Variants in KLRD1 observed in about 807,000 individuals in gnomAD.
KLRD1 encodes the protein natural killer cells antigen CD94.
KLRD1 carries 21 observed loss-of-function variants against 22.6 expected under a neutral mutation model. The observed-to-expected ratio is 0.93, with a 90% confidence interval of 0.66 to 1.34. The LOEUF (loss-of-function observed/expected upper bound fraction) is 1.34, where lower values mean the gene tolerates loss of function less well. KLRD1 is among the 40% of genes most tolerant of loss of function. The probability of loss-of-function intolerance (pLI) is 0.00; values close to 1 mark genes in which losing one functional copy is unlikely to be tolerated. For synonymous variants in KLRD1, 59 were observed against 71.1 expected (o/e 0.83, Z 0.85); for missense variants, 183 against 208.6 (o/e 0.88, Z 0.76).
In KLRD1 at chr12:10,307,991, C is replaced by T; in HGVS notation, c.-87C>T. On this transcript the variant is annotated 5_prime_UTR_variant, in exon 1 of 6. Coordinates refer to ENST00000336164, the MANE Select transcript of KLRD1 (RefSeq NM_002262.5). ...CTCAACTTTCAGATTCTTTAATCTC[C>T]AGCTCAGCTTCAACAATTCAACGCT... 3 of 1,188,584 alleles carry T rather than the reference C, an allele frequency of 2.5e-6. No homozygotes were observed. Among genetic ancestry groups the T allele is most frequent in the Non-Finnish European group, 3.7e-6 (3 of 805,360 alleles). The allele number at this position is 1,188,584 out of a possible 1,614,324, so 73.6% of individuals were successfully genotyped here. A position where few individuals can be genotyped will look rare whatever the true frequency, so the allele number is the denominator to read the frequency against.
At chr12:10,257,401 T>G (rs1036694569) in intron 1 of KLRD1, among the ~76,000 whole-genome samples, 1 of 151,224 alleles carries the variant, frequency 6.6e-6, no homozygotes, top group East Asian at 1.9e-4. Flanking sequence ...TAGTCTCTGT[T>G]CACTTTTCTC....
intron 1 of KLRD1, among the ~76,000 whole-genome samples, chr12:10,298,971 C>CT (rs1949844983): frequency 6.6e-6 from 1 of 152,214 alleles, no homozygotes; most frequent in Non-Finnish European, 1.5e-5. Flanking sequence ...GTCTCCACGA[C>CT]TGAGCTGGTC....
intron 3 of KLRD1, 57 bp from the exon 4 acceptor site, chr12:10,311,407 A>T: frequency 6.6e-7 from 1 of 1,506,640 alleles, no homozygotes; most frequent in Non-Finnish European, 9.1e-7. Flanking sequence ...ATTAAATAGC[A>T]TTGAAAAAAA....
At chr12:10,290,156 G>A (rs571797574) in intron 1 of KLRD1, among the ~76,000 whole-genome samples, 3 of 131,532 alleles carry the variant, frequency 2.3e-5, no homozygotes, top group Admixed American at 7.2e-5. Context: ...AGTTTCCAAC[G>A]CCCAAAATAT....
At chr12:10,270,331 T>C in intron 1 of KLRD1, among the ~76,000 whole-genome samples, 1 of 152,126 alleles carries the variant, frequency 6.6e-6, no homozygotes, top group East Asian at 1.9e-4. Flanking sequence ...AATTAAAAAA[T>C]TAATGAAGTT....
At chr12:10,306,149 A>AGAGC (rs10658021), upstream of KLRD1, among the ~76,000 whole-genome samples, 79,737 of 150,872 alleles carry the variant, frequency 0.53, 22,011 homozygotes, top group Middle Eastern at 0.65. Flanking sequence ...CCTGGGTGAC[A>AGAGC]GAGACTCCAT....
chr12:10,262,961 T>TA (rs1388412891), intron 1 of KLRD1, among the ~76,000 whole-genome samples: 1 of 152,056 alleles, frequency 6.6e-6, no homozygotes, highest in Non-Finnish European at 1.5e-5. Context: ...TCTAAGCAGT[T>TA]AGTTAACCCA....
chr12:10,298,072 T>C (rs968179198), intron 1 of KLRD1, among the ~76,000 whole-genome samples: 3 of 152,218 alleles, frequency 2.0e-5, no homozygotes, highest in East Asian at 3.8e-4. Flanking sequence ...GAAACTTAAA[T>C]TGATAGTCTT....
intron 1 of KLRD1, among the ~76,000 whole-genome samples, chr12:10,247,121 T>TG (rs1302417350): frequency 7.2e-5 from 11 of 151,728 alleles, no homozygotes; most frequent in African/African-American, 2.4e-4. Context: ...TTAGTAGAGA[T>TG]GGGGTTTCAC....
intron 1 of KLRD1, among the ~76,000 whole-genome samples, chr12:10,273,070 T>G (rs116950613): frequency 1.3e-5 from 2 of 152,188 alleles, no homozygotes; most frequent in Admixed American, 1.3e-4. Context: ...ATATAATCTC[T>G]AACATAATTA....
At chr12:10,265,892 A>G (rs980271748) in intron 1 of KLRD1, among the ~76,000 whole-genome samples, 1 of 152,244 alleles carries the variant, frequency 6.6e-6, no homozygotes, top group African/African-American at 2.4e-5. Context: ...TCTCCTTTAA[A>G]CAAGTAACAC....
chr12:10,317,539 C>T lies in KLRD1; in HGVS notation c.*2746C>T, dbSNP rs895966328. ...AGCATAAACACTATTCCATAAAATC[C>T]TAAGCAAGCCTTTGTTTCTTTGCAG... is the stretch of plus-strand genomic sequence containing the variant. On this transcript the variant is annotated 3_prime_UTR_variant, in exon 6 of 6. Coordinates refer to ENST00000336164, the MANE Select transcript of KLRD1 (RefSeq NM_002262.5). The T allele has an allele frequency of 6.6e-6, 1 of 152,180 alleles. No homozygotes were observed. The highest frequency in any genetic ancestry group is 6.5e-5 in the Admixed American group (1 of 15,282). 9.4% of individuals were successfully genotyped at this position (152,180 alleles called of 1,614,324 possible). A position where few individuals can be genotyped will look rare whatever the true frequency, so the allele number is the denominator to read the frequency against.
chr12:10,270,971 A>G (rs1592044788), intron 1 of KLRD1, among the ~76,000 whole-genome samples: 1 of 152,034 alleles, frequency 6.6e-6, no homozygotes, highest in East Asian at 1.9e-4. Flanking sequence ...TTTAGTAGAG[A>G]CGAGGTTTCA....
chr12:10,246,550 A>G (rs1389285956), intron 1 of KLRD1, among the ~76,000 whole-genome samples: 1 of 152,180 alleles, frequency 6.6e-6, no homozygotes, highest in Non-Finnish European at 1.5e-5. Flanking sequence ...CCACATATCT[A>G]CAAAATTTGA....
intron 1 of KLRD1, among the ~76,000 whole-genome samples, chr12:10,242,442 AC>A (rs1210766890): frequency 6.6e-6 from 1 of 152,174 alleles, no homozygotes; most frequent in African/African-American, 2.4e-5. Flanking sequence ...CAAAGCAGCT[AC>A]CCACTGTACC....
At chr12:10,251,524 T>G (rs1217887081) in intron 1 of KLRD1, among the ~76,000 whole-genome samples, 1 of 152,080 alleles carries the variant, frequency 6.6e-6, no homozygotes, top group Admixed American at 6.5e-5. Flanking sequence ...AAGATAATTT[T>G]TCTATGGATG....
At chr12:10,245,399 A>G (rs950379423) in intron 1 of KLRD1, among the ~76,000 whole-genome samples, 2 of 152,152 alleles carry the variant, frequency 1.3e-5, no homozygotes, top group African/African-American at 4.8e-5. Flanking sequence ...AAACAAGAAA[A>G]GCTCAATTCC....
rs1286824637 is a variant in KLRD1, at chr12:10,239,437, C to T, written c.-101+13204C>T. 1.2e-4 allele frequency among the ~76,000 whole-genome samples: 4 copies of T among 33,092 alleles called. 1 individual carries two copies. In the East Asian group the frequency reaches 3.9e-3, roughly 32 times the overall value. The allele number at this position is 33,092 out of a possible 152,430, so 21.7% of individuals were successfully genotyped here. On this transcript the variant is annotated intron_variant, in intron 1 of 5. Transcript: ENST00000544747. Reference sequence around the variant, plus strand: ...CCTTCTTTCCATCCTTCCTTCCTTTCCTTCCTTCCTTCCTTCCTTCCTTCC... The same window carrying T: ...CCTTCTTTCCATCCTTCCTTCCTTTTCTTCCTTCCTTCCTTCCTTCCTTCC...
chr12:10,249,697 G>T (rs1278498731), intron 1 of KLRD1, among the ~76,000 whole-genome samples: 2 of 152,146 alleles, frequency 1.3e-5, no homozygotes, highest in Admixed American at 1.3e-4. Flanking sequence ...AAAAGAGTAA[G>T]AAATTATTTC....
Sources: gnomAD v4.1 joint callset for allele counts (sites outside exome capture counted in the v4.1 genomes callset) on GRCh38, gnomAD v4.1.1 for gene constraint, MANE v1.5 for transcripts, NCBI Gene and HGNC (gene_info 2026-07-23, HGNC 2026-07-21) for gene names.